The following MAP3K15 variants were observed in gnomAD, a reference collection of about 807,000 sequenced individuals.
MAP3K15 encodes mitogen-activated protein kinase kinase kinase 15, also known as MAPK/ERK kinase kinase 15.
In MAP3K15, 124 loss-of-function variants were observed where a neutral mutation model predicts 99.5. That is an observed-to-expected ratio of 1.25 (90% CI 1.08 to 1.45). The LOEUF (loss-of-function observed/expected upper bound fraction) is 1.45. MAP3K15 is among the 40% of genes most tolerant of loss of function. The pLI is 0.00. For missense variants in MAP3K15, 1,242 were observed against 1,079.7 expected (o/e 1.15, Z -2.11); for synonymous variants, 494 against 439.6 (o/e 1.12, Z -1.55).
intron 13 of MAP3K15, among the ~76,000 whole-genome samples, chrX:19,406,465 T>C (rs1232501811): frequency 8.9e-6 from 1 of 111,965 alleles, no homozygotes; most frequent in African/African-American, 3.2e-5. Flanking sequence ...AAGAAGCCAG[T>C]CACAAGAGAC....
intron 1 of MAP3K15, among the ~76,000 whole-genome samples, chrX:19,491,541 G>A (rs2064368710): frequency 9.1e-6 from 1 of 110,074 alleles, no homozygotes; most frequent in Non-Finnish European, 1.9e-5. Flanking sequence ...GCCAGCTAGT[G>A]CAAGGGGCCA....
At chrX:19,396,025 AT>A in intron 15 of MAP3K15, among the ~76,000 whole-genome samples, 1 of 111,526 alleles carries the variant, frequency 9.0e-6, no homozygotes, top group East Asian at 2.8e-4. Context: ...AAGTTGATCT[AT>A]TTTTTCAAAC....
At chrX:19,437,853 G>C (rs1394055745) in intron 6 of MAP3K15, among the ~76,000 whole-genome samples, 1 of 111,043 alleles carries the variant, frequency 9.0e-6, no homozygotes, top group Non-Finnish European at 1.9e-5. Flanking sequence ...AGATCTCTAA[G>C]CATCGATTAC....
Position 19,398,235 on chromosome X carries a change from C to G in MAP3K15, c.2057G>C (p.Arg686Thr). Reference protein sequence around the residue: ...VRIAIKEIPERDSRYSQPLHE... With the variant: ...VRIAIKEIPETDSRYSQPLHE... ...GCCCGCCTGGACTTGCCTGCTATCT[C>G]TCTCCGGGATTTCTTTGATGGCTAT... The change falls in exon 15 of 29, where the codon AGA becomes ACA. Residue 686 changes from arginine (R) to threonine (T), a missense_variant. Arg to Thr is a moderately conservative substitution (Grantham distance 71). Transcript: ENST00000338883. The G allele has an allele frequency of 2.5e-6, 3 of 1,211,325 alleles. No homozygotes were observed. The highest frequency in any genetic ancestry group is 3.4e-6 in the Non-Finnish European group (3 of 895,398).
intron 14 of MAP3K15, among the ~76,000 whole-genome samples, chrX:19,399,739 CAAAAAAAAAAAAAAAAA>C (rs777947449): frequency 2.8e-5 from 1 of 35,500 alleles, no homozygotes; most frequent in Non-Finnish European, 6.7e-5. Flanking sequence ...ACTCTGTTTC[CAAAAAAAAAAAAAAAAA>C]AAAAAAAAAA....
At chrX:19,488,276 G>A (rs1301884353) in intron 2 of MAP3K15, among the ~76,000 whole-genome samples, 2 of 111,999 alleles carry the variant, frequency 1.8e-5, no homozygotes, top group Non-Finnish European at 3.8e-5. Context: ...ATACATTTTA[G>A]AAATTCTCAA....
chrX:19,380,092 C>T, intron 19 of MAP3K15, 28 bp downstream of exon 19: 1 of 1,158,014 alleles, frequency 8.6e-7, no homozygotes, highest in Non-Finnish European at 1.1e-6. Flanking sequence ...CCAACCACGC[C>T]CAACCTCAAT....
chrX:19,371,389 A>G lies in MAP3K15; in HGVS notation c.3250T>C (p.Ser1084Pro). The G allele has an allele frequency of 8.3e-7, 1 of 1,210,904 alleles. No individual in the cohort carries two copies. The highest frequency in any genetic ancestry group is 1.1e-6 in the Non-Finnish European group (1 of 894,929). Residue 1084 changes from serine (S) to proline (P), a missense_variant, in exon 23 of 29, where the codon TCC (serine) becomes CCC (proline). Transcript: ENST00000338883. Reference protein sequence around the residue: ...LKVDLDFDSSSISQIHLVLFG... With the variant: ...LKVDLDFDSSPISQIHLVLFG... The stretch of plus-strand genomic sequence containing the variant: ...AGCACCAGGTGAATCTGACTGATGG[A>G]CGAGCTGTCAAAGTCCAGGTCCACC...
chrX:19,363,656 GTTT>G (rs775799924), intron 25 of MAP3K15, among the ~76,000 whole-genome samples: 2 of 93,923 alleles, frequency 2.1e-5, no homozygotes, highest in East Asian at 6.2e-4. Context: ...TTTTGTTTTT[GTTT>G]TTTTTTTTTT....
intron 25 of MAP3K15, among the ~76,000 whole-genome samples, chrX:19,368,052 T>C (rs375508674): frequency 2.7e-5 from 3 of 110,268 alleles, no homozygotes; most frequent in African/African-American, 6.6e-5. Context: ...CGGTCAACTA[T>C]GGATTACTTT....
chrX:19,477,230 C>A (rs111727931), intron 3 of MAP3K15, among the ~76,000 whole-genome samples: 9,381 of 110,573 alleles, frequency 0.085, 927 homozygotes, highest in African/African-American at 0.27. Flanking sequence ...CATTACCCCT[C>A]TGATATTCAA....
At chrX:19,410,091 C>T (rs949248682) in intron 11 of MAP3K15, 118 bp from the exon 12 acceptor site, 44 of 516,274 alleles carry the variant, frequency 8.5e-5, no homozygotes, top group East Asian at 1.5e-4. Context: ...GATTTTTTTA[C>T]GGGTTACAGC....
intron 6 of MAP3K15, among the ~76,000 whole-genome samples, chrX:19,448,438 G>C (rs1167518376): frequency 1.8e-5 from 2 of 109,286 alleles, no homozygotes; most frequent in South Asian, 8.2e-4. Flanking sequence ...TGGCAGGGCT[G>C]TTAACAGTGT....
At chrX:19,502,758 G>T (rs1283432991) in intron 1 of MAP3K15, among the ~76,000 whole-genome samples, 1 of 112,104 alleles carries the variant, frequency 8.9e-6, no homozygotes, top group East Asian at 2.8e-4. Context: ...GAAAGTGGAG[G>T]TTGCGGCGAG....
chrX:19,515,474 G>C lies in MAP3K15; in HGVS notation c.-213C>G, dbSNP rs763809539. ...TGCAGCCTGACGCTCAGGCCCCAAG[G>C]CCCCCAGCGCCCTTTGAAGGCCGGA... is the stretch of plus-strand genomic sequence containing the variant. On this transcript the variant is annotated 5_prime_UTR_variant, in exon 1 of 29. Transcript: ENST00000338883. Among the ~76,000 whole-genome samples, 1 of 110,540 alleles carries C rather than the reference G, an allele frequency of 9.0e-6. No homozygotes were observed. Among genetic ancestry groups the C allele is most frequent in the South Asian group, 3.8e-4 (1 of 2,643 alleles).
In MAP3K15 at chrX:19,425,782, C is replaced by G. The variant is rs765834669; in HGVS notation, c.1280-92G>C. 4 of 857,315 alleles carry G rather than the reference C, an allele frequency of 4.7e-6. No homozygotes were observed. In the South Asian group the frequency reaches 1.1e-4, roughly 24 times the overall value. 70.7% of individuals were successfully genotyped at this position (857,315 alleles called of 1,213,427 possible). On this transcript the variant is annotated intron_variant, in intron 8 of 28. Transcript: ENST00000338883. ...AGGTATTTTATTTTGGCTGCTGTCT[C>G]AGGTGTGCTATAGGAAAAGTAACTG...
chrX:19,476,037 C>T (rs2064240344), intron 3 of MAP3K15, among the ~76,000 whole-genome samples: 1 of 112,021 alleles, frequency 8.9e-6, no homozygotes, highest in African/African-American at 3.2e-5. Context: ...AACAGCAGCA[C>T]AGGGTTTATA....
rs376243978 is a variant in MAP3K15, at chrX:19,380,295, A to G, written c.2432-18T>C. On this transcript the variant is annotated intron_variant, in intron 18 of 28. Transcript: ENST00000338883. ...CAGGGTGCCTATTTGGAAAACAAAC[A>G]AACAGGCTGTGGGTACCATATTGCT... 4 of 1,206,586 alleles carry G rather than the reference A, an allele frequency of 3.3e-6. No individual in the cohort carries two copies. Among genetic ancestry groups the G allele is most frequent in the Non-Finnish European group, 4.5e-6 (4 of 893,429 alleles).
intron 6 of MAP3K15, among the ~76,000 whole-genome samples, chrX:19,436,592 C>G (rs149202460): frequency 0.033 from 3,661 of 111,306 alleles, 164 homozygotes; most frequent in African/African-American, 0.11. Flanking sequence ...GGCCTCTCCC[C>G]TAAAATCCAG....
Sources: allele counts gnomAD v4.1 joint callset (sites outside exome capture counted in the v4.1 genomes callset), GRCh38; gene constraint gnomAD v4.1.1; transcripts MANE v1.5; gene names NCBI Gene and HGNC (gene_info 2026-07-23, HGNC 2026-07-21).